The following ANKRD13C variants were observed in gnomAD, a reference collection of about 807,000 sequenced individuals.
The protein encoded by ANKRD13C is ankyrin repeat domain 13C.
In ANKRD13C, 16 loss-of-function variants were observed where a neutral mutation model predicts 65.5. The ratio of observed to expected loss-of-function variants is 0.24; its 90% CI spans 0.17 to 0.37. The LOEUF is 0.37. Among genes scored for constraint, ANKRD13C ranks in the 10% least tolerant of loss-of-function variants. The probability of loss-of-function intolerance (pLI) is 1.00; values close to 1 mark genes in which losing one functional copy is unlikely to be tolerated. For missense variants in ANKRD13C, 503 were observed against 655.9 expected, an observed-to-expected ratio of 0.77 and a Z score of 2.55; for synonymous variants, 235 against 238.7, an observed-to-expected ratio of 0.98 and a Z score of 0.14.
intron 3 of ANKRD13C, among the ~76,000 whole-genome samples, chr1:70,322,577 G>A (rs1032089727): frequency 1.3e-5 from 2 of 152,036 alleles, no homozygotes; most frequent in African/African-American, 4.8e-5. Context: ...TGAAAATTTT[G>A]TTTATTGGCC....
rs1679911760 is a variant in ANKRD13C, at chr1:70,292,701, T to C, written c.1054-152A>G. 3 of 584,910 alleles carry C rather than the reference T, an allele frequency of 5.1e-6. No individual in the cohort carries two copies. In the Admixed American group the frequency reaches 1.1e-4, roughly 21 times the overall value. The allele number at this position is 584,910 out of a possible 1,614,324, so 36.2% of individuals were successfully genotyped here. A position where few individuals can be genotyped will look rare whatever the true frequency, so the allele number is the denominator to read the frequency against. Reference sequence around the variant, plus strand: ...AAACTATCTTACATTTTCTAGGTTATACAACATATACATCTAAGTTATTCA... The same window carrying C: ...AAACTATCTTACATTTTCTAGGTTACACAACATATACATCTAAGTTATTCA... On this transcript the variant is annotated intron_variant, in intron 8 of 12. Coordinates refer to ENST00000370944, the MANE Select transcript of ANKRD13C (RefSeq NM_030816.5).
intron 3 of ANKRD13C, among the ~76,000 whole-genome samples, chr1:70,322,232 CA>C (rs890552961): frequency 3.3e-5 from 5 of 150,718 alleles, no homozygotes; most frequent in African/African-American, 1.2e-4. Context: ...AACTCGGTCT[CA>C]AAAAAAATAA....
At position 70,268,852 on chromosome 1, in the gene ANKRD13C, A is replaced by G. The variant is rs1039126143; in HGVS notation, c.1495+2004T>C. On this transcript the variant is annotated intron_variant, in intron 12 of 12. Coordinates refer to ENST00000370944, the MANE Select transcript of ANKRD13C (RefSeq NM_030816.5). ...CTGAAAACATGTAATTGTGTTAACA[A>G]TAATTTCCAAAATTTTTTTTTGATT... is the stretch of plus-strand genomic sequence containing the variant. Among the ~76,000 whole-genome samples the G allele has an allele frequency of 3.9e-5, 6 of 152,074 alleles. No homozygotes were observed. The South Asian group carries it at 1.0e-3, about 26-fold the overall frequency.
chr1:70,342,502 A>C (rs1233383105), intron 1 of ANKRD13C, among the ~76,000 whole-genome samples: 1 of 152,010 alleles, frequency 6.6e-6, no homozygotes, highest in South Asian at 2.1e-4. Context: ...CGCCCATTGC[A>C]CTCCAGCCTG....
intron 2 of ANKRD13C, among the ~76,000 whole-genome samples, chr1:70,330,950 C>T (rs1340941585): frequency 3.3e-5 from 5 of 151,996 alleles, no homozygotes; most frequent in Non-Finnish European, 7.4e-5. Context: ...TAACCTCCCA[C>T]GTGACATTAC....
intron 12 of ANKRD13C, among the ~76,000 whole-genome samples, chr1:70,266,421 T>C (rs978543131): frequency 2.6e-5 from 4 of 152,248 alleles, no homozygotes; most frequent in Non-Finnish European, 5.9e-5. Context: ...ATAAAGCTGA[T>C]ATAAAATAAA....
intron 5 of ANKRD13C, among the ~76,000 whole-genome samples, chr1:70,312,441 G>A (rs542019031): frequency 5.3e-5 from 8 of 151,076 alleles, no homozygotes; most frequent in Non-Finnish European, 8.8e-5. Flanking sequence ...AGCAGTAGCA[G>A]CACTGGATGG....
intron 9 of ANKRD13C, among the ~76,000 whole-genome samples, chr1:70,286,666 T>C (rs1031389984): frequency 7.2e-5 from 11 of 152,114 alleles, no homozygotes; most frequent in Non-Finnish European, 1.3e-4. Context: ...TAAGCATTTG[T>C]AGAAAATCCT....
Position 70,324,870 on chromosome 1 carries a change from T to C in ANKRD13C, c.560A>G (p.Tyr187Cys). ...GWSPLAEAIS[Y>C]GDRQMITALL... ...TTGCTTACTCATCTGCCTATCTCCA[T>C]AGCTGATGGCTTCCGCCAGAGGGCT... The change falls in exon 3 of 13, where the codon TAT becomes TGT. Residue 187 changes from tyrosine (Y) to cysteine (C), a missense_variant. Physicochemically the swap from Tyr to Cys is radical, Grantham distance 194. This residue lies in a region of ANKRD13C where 300 missense variants were observed against 478.3 expected (regional missense o/e 0.63). Transcript: ENST00000370944. 5.6e-6 allele frequency: 9 copies of C among 1,610,514 alleles called. No individual in the cohort carries two copies. Among genetic ancestry groups the C allele is most frequent in the Non-Finnish European group, 7.6e-6 (9 of 1,177,958 alleles).
intron 8 of ANKRD13C, among the ~76,000 whole-genome samples, chr1:70,295,849 T>A (rs1412924012): frequency 2.0e-5 from 3 of 152,168 alleles, no homozygotes; most frequent in African/African-American, 7.2e-5. Context: ...TATAATGGAA[T>A]CATGTGAAAA....
chr1:70,281,257 T>C (rs1017531778), intron 9 of ANKRD13C, among the ~76,000 whole-genome samples: 1 of 152,228 alleles, frequency 6.6e-6, no homozygotes. Context: ...AGATTGCTAG[T>C]TGTCTCCCCA....
At chr1:70,314,485 A>G (rs1680989053) in intron 4 of ANKRD13C, among the ~76,000 whole-genome samples, 1 of 151,952 alleles carries the variant, frequency 6.6e-6, no homozygotes, top group South Asian at 2.1e-4. Flanking sequence ...TCGGCCTCCC[A>G]AAGTGCTGGG....
chr1:70,262,572 T>C lies in ANKRD13C; in HGVS notation c.*145A>G. The C allele has an allele frequency of 1.1e-6, 1 of 883,140 alleles. No individual in the cohort carries two copies. The highest frequency in any genetic ancestry group is 1.6e-6 in the Non-Finnish European group (1 of 617,172). 54.7% of individuals were successfully genotyped at this position (883,140 alleles called of 1,614,324 possible). Reference sequence around the variant, plus strand: ...CGCTGAAATTCTTATTAGAGGCCCATTTCACTGTATCGTATTACTGATGTG... The same window carrying C: ...CGCTGAAATTCTTATTAGAGGCCCACTTCACTGTATCGTATTACTGATGTG... On this transcript the variant is annotated 3_prime_UTR_variant, in exon 13 of 13. Transcript: ENST00000370944.
rs762975507 is a variant in ANKRD13C, at chr1:70,274,831, G to GA, written c.1296-14dup. ...CAGATGAGGAGCTCTAAAATGGGAG[G>GA]AAAAAAAATGTTAGGAAACTTTTTC... is the stretch of plus-strand genomic sequence containing the variant. On this transcript the variant is annotated splice_polypyrimidine_tract_variant and intron_variant, in intron 10 of 12. Transcript: ENST00000370944. 76 of 1,564,090 alleles carry GA rather than the reference G, an allele frequency of 4.9e-5. No homozygotes were observed. The highest frequency in any genetic ancestry group is 6.9e-5 in the Admixed American group (4 of 58,284).
Position 70,313,788 on chromosome 1 carries a change from T to C in ANKRD13C, c.666A>G (p.Leu222=), listed in dbSNP as rs570817641. 8.7e-6 allele frequency: 14 copies of C among 1,608,616 alleles called. No individual in the cohort carries two copies. In the African/African-American group the frequency reaches 1.3e-4, roughly 15 times the overall value. ...AGTGAAGTTCTAGATAAAAGTCACC[T>C]AGCTGAAAAATGAAATATGAATAAT... The part of the protein sequence containing the change: ...RPRLLKALKE[L]GDFYLELHWD... The change falls in exon 5 of 13, where the codon CTA becomes CTG. Residue 222 remains leucine, a splice_region_variant and synonymous_variant. Transcript: ENST00000370944.
At position 70,274,430 on chromosome 1, in the gene ANKRD13C, C is replaced by T. The variant is rs565062646; in HGVS notation, c.1394+290G>A. 8.4e-5 allele frequency among the ~76,000 whole-genome samples: 12 copies of T among 143,110 alleles called. No homozygotes were observed. The East Asian group carries it at 1.6e-3, about 20-fold the overall frequency. 93.9% of individuals were successfully genotyped at this position (143,110 alleles called of 152,430 possible). On this transcript the variant is annotated intron_variant, in intron 11 of 12. Coordinates refer to ENST00000370944, the MANE Select transcript of ANKRD13C (RefSeq NM_030816.5). ...TGGAGGTTGTGGTGAGCCAAGATCG[C>T]GCCACTGCACTCCAGCCTGGGTGAC...
intron 5 of ANKRD13C, among the ~76,000 whole-genome samples, chr1:70,309,892 T>C (rs1319379316): frequency 6.6e-6 from 1 of 152,162 alleles, no homozygotes; most frequent in East Asian, 1.9e-4. Context: ...TATTTGATAC[T>C]TTATAGTATA....
intron 5 of ANKRD13C, among the ~76,000 whole-genome samples, chr1:70,309,239 A>G (rs1680730410): frequency 6.6e-6 from 1 of 151,330 alleles, no homozygotes; most frequent in South Asian, 2.1e-4. Context: ...ATGTCCACCT[A>G]ATTTTTGTAT....
At chr1:70,313,006 G>A (rs1333570323) in intron 5 of ANKRD13C, among the ~76,000 whole-genome samples, 1 of 151,982 alleles carries the variant, frequency 6.6e-6, no homozygotes, top group African/African-American at 2.4e-5. Context: ...GTATGCAAGA[G>A]GCAAAATAAC....
Sources: allele counts gnomAD v4.1 joint callset (sites outside exome capture counted in the v4.1 genomes callset), GRCh38; gene constraint gnomAD v4.1.1; regional missense constraint gnomAD v4.1.1; transcripts MANE v1.5; gene names NCBI Gene and HGNC (gene_info 2026-07-23, HGNC 2026-07-21).